DIS3L2: variants seen among roughly 807,000 people sequenced by gnomAD.
DIS3L2 encodes DIS3 like 3'-5' exoribonuclease 2.
In DIS3L2, 34 loss-of-function variants were observed where a neutral mutation model predicts 97.5. That is an observed-to-expected ratio of 0.35 (90% CI 0.27 to 0.46). The LOEUF (loss-of-function observed/expected upper bound fraction) is 0.46, where lower values mean the gene tolerates loss of function less well. DIS3L2 is among the 20% of genes least tolerant of loss of function. The pLI is 1.00. For missense variants in DIS3L2, 1,038 were observed against 1,146.0 expected (o/e 0.91, Z 1.36); for synonymous variants, 435 against 445.2 (o/e 0.98, Z 0.29).
intron 14 of DIS3L2, among the ~76,000 whole-genome samples, chr2:232,303,040 A>G (rs930965398): frequency 4.6e-5 from 7 of 152,228 alleles, no homozygotes; most frequent in Non-Finnish European, 1.0e-4. Flanking sequence ...TAGAATGCCC[A>G]TAGGAAGTGC....
chr2:232,033,963 C>T (rs1337567195), intron 5 of DIS3L2, among the ~76,000 whole-genome samples: 1 of 152,088 alleles, frequency 6.6e-6, no homozygotes, highest in Non-Finnish European at 1.5e-5. Context: ...GTTTTGGTAT[C>T]AGGATGATGC....
At chr2:232,147,565 A>T (rs996195208) in intron 8 of DIS3L2, among the ~76,000 whole-genome samples, 4 of 152,198 alleles carry the variant, frequency 2.6e-5, no homozygotes, top group Non-Finnish European at 4.4e-5. Context: ...TTTAATGCAG[A>T]ATAGGATGAA....
intron 13 of DIS3L2, chr2:232,343,173 A>T: frequency 1.5e-6 from 1 of 653,058 alleles, no homozygotes; most frequent in Non-Finnish European, 2.8e-6. Flanking sequence ...ACTGTTGACT[A>T]GCTGCAGGCA....
At chr2:232,202,069 G>C (rs894863253) in intron 9 of DIS3L2, among the ~76,000 whole-genome samples, 1 of 152,132 alleles carries the variant, frequency 6.6e-6, no homozygotes, top group African/African-American at 2.4e-5. Context: ...TCCCAGACCC[G>C]TCCTGTCCTT....
At chr2:232,266,264 A>G (rs1693856093) in intron 13 of DIS3L2, among the ~76,000 whole-genome samples, 1 of 152,206 alleles carries the variant, frequency 6.6e-6, no homozygotes, top group Non-Finnish European at 1.5e-5. Flanking sequence ...TCAGAGTCTT[A>G]TTGCTGAAAA....
At chr2:232,160,482 G>A (rs979283460) in intron 8 of DIS3L2, among the ~76,000 whole-genome samples, 3 of 152,080 alleles carry the variant, frequency 2.0e-5, no homozygotes, top group African/African-American at 4.8e-5. Flanking sequence ...GTAAAATGGT[G>A]TCTCCTCTCT....
chr2:232,108,815 A>C (rs893957371), intron 6 of DIS3L2, among the ~76,000 whole-genome samples: 1 of 152,210 alleles, frequency 6.6e-6, no homozygotes, highest in Non-Finnish European at 1.5e-5. Flanking sequence ...CAATTGCCAC[A>C]AGAAGAATAA....
intron 5 of DIS3L2, among the ~76,000 whole-genome samples, chr2:232,074,286 G>A (rs1225441910): frequency 1.3e-5 from 2 of 152,150 alleles, no homozygotes; most frequent in Non-Finnish European, 2.9e-5. Flanking sequence ...GGACATTGCT[G>A]TATCATGAAG....
intron 6 of DIS3L2, among the ~76,000 whole-genome samples, chr2:232,104,615 CCT>C (rs1420010706): frequency 6.6e-6 from 1 of 152,156 alleles, no homozygotes; most frequent in Non-Finnish European, 1.5e-5. Flanking sequence ...AAATCTACTT[CCT>C]CTCTATAAAT....
chr2:232,115,654 G>A (rs1159906965), intron 6 of DIS3L2, among the ~76,000 whole-genome samples: 1 of 152,138 alleles, frequency 6.6e-6, no homozygotes, highest in African/African-American at 2.4e-5. Flanking sequence ...TTCTGTTCTT[G>A]TGATAGTGAG....
At chr2:232,234,252 A>G (rs1559167455) in intron 10 of DIS3L2, among the ~76,000 whole-genome samples, 1 of 152,238 alleles carries the variant, frequency 6.6e-6, no homozygotes, top group Non-Finnish European at 1.5e-5. Context: ...GTGCAAAACG[A>G]TATGCATAGC....
chr2:232,336,257 A>G, intron 20 of DIS3L2: 2 of 1,544,160 alleles, frequency 1.3e-6, no homozygotes, highest in Non-Finnish European at 1.7e-6. Context: ...GTGTTTCATA[A>G]GCCTTGGGAG....
chr2:232,185,635 G>T (rs1304433986), intron 9 of DIS3L2, among the ~76,000 whole-genome samples: 1 of 152,166 alleles, frequency 6.6e-6, no homozygotes, highest in East Asian at 1.9e-4. Context: ...AGGAGTTAGA[G>T]ACCTGCCTGA....
intron 8 of DIS3L2, among the ~76,000 whole-genome samples, chr2:232,140,145 C>T (rs1333284376): frequency 6.6e-6 from 1 of 152,136 alleles, no homozygotes; most frequent in Admixed American, 6.6e-5. Flanking sequence ...ACTTCCTTTC[C>T]TAACAGTGGC....
intron 5 of DIS3L2, among the ~76,000 whole-genome samples, chr2:232,068,899 C>G (rs1371323990): frequency 6.6e-6 from 1 of 151,218 alleles, no homozygotes; most frequent in East Asian, 1.9e-4. Context: ...TCACTGCAAC[C>G]TTTGCCTCCC....
chr2:232,337,184 AGTATG>A lies in DIS3L2; in HGVS notation c.*555_*559del. On this transcript the variant is annotated 3_prime_UTR_variant, in exon 21 of 21. Transcript: ENST00000325385. ...ATTCTGCCTGATTAAAAATGGAATT[AGTATG>A]CAACACTGAGAGCGCCCCCATCACC... 9.0e-6 allele frequency: 9 copies of A among 995,858 alleles called. No individual in the cohort carries two copies. The highest frequency in any genetic ancestry group is 1.1e-5 in the Non-Finnish European group (9 of 837,872). 61.7% of individuals were successfully genotyped at this position (995,858 alleles called of 1,614,324 possible).
chr2:232,142,492 TTAGATAACCA>T (rs1690088967), intron 8 of DIS3L2, among the ~76,000 whole-genome samples: 1 of 152,198 alleles, frequency 6.6e-6, no homozygotes, highest in South Asian at 2.1e-4. Flanking sequence ...TTAGAGGACC[TTAGATAACCA>T]TCAACCTCCT....
chr2:232,011,806 T>C (rs11694176), intron 1 of DIS3L2, among the ~76,000 whole-genome samples: 2,211 of 152,098 alleles, frequency 0.015, 23 homozygotes, highest in Non-Finnish European at 0.021. Context: ...CATGCCACCT[T>C]GCCCAGCTAA....
At chr2:232,029,828 T>TA in intron 4 of DIS3L2, 151 bp from the exon 5 acceptor site, 1 of 580,034 alleles carries the variant, frequency 1.7e-6, no homozygotes, top group Non-Finnish European at 3.0e-6. Flanking sequence ...CATTTAGTAT[T>TA]AAAAAGGTAT....
Sources: gnomAD v4.1 joint callset for allele counts (sites outside exome capture counted in the v4.1 genomes callset) on GRCh38, gnomAD v4.1.1 for gene constraint, MANE v1.5 for transcripts, NCBI Gene and HGNC (gene_info 2026-07-23, HGNC 2026-07-21) for gene names.